Variants in ARHGAP44 observed in about 807,000 individuals in gnomAD.
ARHGAP44 encodes rho GTPase-activating protein 44.
Under a neutral mutation model 106.8 loss-of-function variants are expected in ARHGAP44, and 43 were observed. The ratio of observed to expected loss-of-function variants is 0.40; its 90% confidence interval spans 0.32 to 0.52. The LOEUF is 0.52. ARHGAP44 is among the 20% of genes least tolerant of loss of function. The pLI is 0.48. For missense variants in ARHGAP44, 866 were observed against 1,050.5 expected, an observed-to-expected ratio of 0.82 and a Z score of 2.43; for synonymous variants, 439 against 410.3, an observed-to-expected ratio of 1.07 and a Z score of -0.85.
intron 10 of ARHGAP44, among the ~76,000 whole-genome samples, chr17:12,947,303 G>A (rs2143045735): frequency 6.6e-6 from 1 of 152,238 alleles, no homozygotes; most frequent in East Asian, 1.9e-4. Context: ...GTGCTGCCTG[G>A]TGTTCCTAAT....
intron 7 of ARHGAP44, among the ~76,000 whole-genome samples, chr17:12,938,081 GA>G (rs71144937): frequency 0.31 from 46,662 of 148,770 alleles, 7,682 homozygotes; most frequent in East Asian, 0.56. Context: ...CTGGGTGACA[GA>G]AAAAAAAAAA....
intron 5 of ARHGAP44, 122 bp from the exon 6 acceptor site, chr17:12,919,633 G>A (rs2038017543): frequency 8.6e-6 from 6 of 700,886 alleles, no homozygotes; most frequent in Non-Finnish European, 1.1e-5. Context: ...TGATCCACCT[G>A]CCTTGGCCTC....
At chr17:12,903,130 A>T (rs1567677753) in intron 3 of ARHGAP44, among the ~76,000 whole-genome samples, 55 of 116,700 alleles carry the variant, frequency 4.7e-4, no homozygotes, top group East Asian at 1.1e-3. Flanking sequence ...GAGAGAGGAG[A>T]GAGAGAGAGA....
chr17:12,831,084 A>G (rs1943023898), intron 1 of ARHGAP44, among the ~76,000 whole-genome samples: 1 of 152,220 alleles, frequency 6.6e-6, no homozygotes, highest in Non-Finnish European at 1.5e-5. Context: ...TTTCAAAGGA[A>G]TTAAGTATTG....
intron 13 of ARHGAP44, 47 bp downstream of exon 13, chr17:12,952,628 A>G (rs2143108989): frequency 7.0e-7 from 1 of 1,437,658 alleles, no homozygotes; most frequent in Non-Finnish European, 9.5e-7. Flanking sequence ...GGGCTTATGT[A>G]AGCCTCAGAG....
chr17:12,923,404 C>T (rs1322067436), intron 6 of ARHGAP44, among the ~76,000 whole-genome samples: 4 of 152,072 alleles, frequency 2.6e-5, no homozygotes, highest in South Asian at 4.1e-4. Flanking sequence ...TTAGTAGAGA[C>T]GGGGTTTCGC....
chr17:12,964,506 C>T (rs527537581), intron 16 of ARHGAP44, among the ~76,000 whole-genome samples: 5 of 152,304 alleles, frequency 3.3e-5, no homozygotes, highest in East Asian at 3.9e-4. Context: ...ACAGGCTGGG[C>T]GCAGTGGCTC....
chr17:12,976,930 C>T (rs560190563), intron 18 of ARHGAP44, among the ~76,000 whole-genome samples: 2 of 152,310 alleles, frequency 1.3e-5, no homozygotes, highest in South Asian at 2.1e-4. Flanking sequence ...TTTTTGGACA[C>T]TCCTCAGCTT....
chr17:12,895,838 A>G (rs59959847), intron 2 of ARHGAP44, among the ~76,000 whole-genome samples: 6,635 of 152,160 alleles, frequency 0.044, 470 homozygotes, highest in African/African-American at 0.15. Flanking sequence ...AATAGCAAAG[A>G]CTTGGAACCA....
chr17:12,971,702 A>G (rs1291246521), intron 16 of ARHGAP44, among the ~76,000 whole-genome samples: 5 of 152,166 alleles, frequency 3.3e-5, no homozygotes, highest in Non-Finnish European at 7.3e-5. Flanking sequence ...TATTGGTAGA[A>G]GGTTCTCAGA....
rs910155220 is a variant in ARHGAP44, at chr17:12,980,038, C to T, written c.1764-20C>T. On this transcript the variant is annotated intron_variant, in intron 18 of 20. Coordinates refer to ENST00000379672, the MANE Select transcript of ARHGAP44 (RefSeq NM_014859.6). ...ACTGAGTTCAGGGCTTTTCTTTTGTCTCATGTGCTTTCGTTTCAGCACAAC... is the reference window on the plus strand; with the variant it reads ...ACTGAGTTCAGGGCTTTTCTTTTGTTTCATGTGCTTTCGTTTCAGCACAAC... 15 of 1,586,824 alleles carry T rather than the reference C, an allele frequency of 9.5e-6. No individual in the cohort carries two copies. Among genetic ancestry groups the T allele is most frequent in the Non-Finnish European group, 1.3e-5 (15 of 1,165,278 alleles).
rs201371135 is a variant in ARHGAP44, at chr17:12,952,722, CTTTT to C, written c.1136+167_1136+170del. On this transcript the variant is annotated intron_variant, in intron 13 of 20. Coordinates refer to ENST00000379672, the MANE Select transcript of ARHGAP44 (RefSeq NM_014859.6). ...AAGGTATTATTAACATGCATGGTCT[CTTTT>C]TTTTTTTTTTTTTTTTTTTTTTTTT... 2,542 of 306,282 alleles carry C rather than the reference CTTTT, an allele frequency of 8.3e-3. 6 individuals carry two copies. Among genetic ancestry groups the C allele is most frequent in the African/African-American group, 0.026 (976 of 37,596 alleles). The allele number at this position is 306,282 out of a possible 1,614,324, so 19.0% of individuals were successfully genotyped here.
intron 1 of ARHGAP44, among the ~76,000 whole-genome samples, chr17:12,823,935 G>T (rs954801956): frequency 6.6e-6 from 1 of 152,128 alleles, no homozygotes; most frequent in Non-Finnish European, 1.5e-5. Flanking sequence ...GCTGAATCCA[G>T]TGGTACATCC....
At chr17:12,914,425 A>G (rs982810353) in intron 4 of ARHGAP44, among the ~76,000 whole-genome samples, 1 of 152,242 alleles carries the variant, frequency 6.6e-6, no homozygotes, top group African/African-American at 2.4e-5. Context: ...GCTTAACATA[A>G]TGGTGGTATA....
At chr17:12,983,800 G>A (rs1017331646) in intron 19 of ARHGAP44, among the ~76,000 whole-genome samples, 7 of 151,640 alleles carry the variant, frequency 4.6e-5, no homozygotes, top group Middle Eastern at 3.4e-3. Flanking sequence ...GCAAAGCTCC[G>A]TCTCCAAAAG....
At chr17:12,909,058 C>T in intron 4 of ARHGAP44, 85 bp downstream of exon 4, 1 of 1,155,742 alleles carries the variant, frequency 8.7e-7, no homozygotes, top group South Asian at 1.6e-5. Flanking sequence ...CTCAGGGAAG[C>T]ACCTGAATTC....
chr17:12,920,705 T>C (rs111255102), intron 6 of ARHGAP44, among the ~76,000 whole-genome samples: 3,516 of 152,252 alleles, frequency 0.023, 126 homozygotes, highest in African/African-American at 0.08. Context: ...ATTTCGCATT[T>C]TGGAGACTCA....
chr17:12,840,035 C>T (rs1220373069), intron 1 of ARHGAP44, among the ~76,000 whole-genome samples: 1 of 152,152 alleles, frequency 6.6e-6, no homozygotes, highest in Non-Finnish European at 1.5e-5. Context: ...TTTAGTGAAA[C>T]ACCAGTGTAC....
chr17:12,941,206 T>C (rs2038700360), intron 8 of ARHGAP44, 82 bp downstream of exon 8: 6 of 1,290,152 alleles, frequency 4.7e-6, no homozygotes, highest in African/African-American at 2.9e-5. Flanking sequence ...AGTCCCTTAA[T>C]TGATCACATC....
Sources: allele counts gnomAD v4.1 joint callset (sites outside exome capture counted in the v4.1 genomes callset), GRCh38; gene constraint gnomAD v4.1.1; transcripts MANE v1.5; gene names NCBI Gene and HGNC (gene_info 2026-07-23, HGNC 2026-07-21).